MYOM1: variants seen among roughly 807,000 people sequenced by gnomAD.
MYOM1 encodes the protein myomesin-1.
In MYOM1, 164 loss-of-function variants were observed where a neutral mutation model predicts 205.3. The ratio of observed to expected loss-of-function variants is 0.80; its 90% CI spans 0.70 to 0.91. The LOEUF (loss-of-function observed/expected upper bound fraction) is 0.91. MYOM1 is among the 40% of genes least tolerant of loss of function. MYOM1 has a pLI of 0.00. For synonymous variants in MYOM1, 772 were observed against 789.4 expected (o/e 0.98, Z 0.37); for missense variants, 2,011 against 2,127.3 (o/e 0.95, Z 1.08).
At chr18:3,203,728 CT>C (rs57414934) in intron 2 of MYOM1, among the ~76,000 whole-genome samples, 1,982 of 145,122 alleles carry the variant, frequency 0.014, 35 homozygotes, top group African/African-American at 0.043. Flanking sequence ...AATCATTTCT[CT>C]TTTTTTTTTT....
the MYOM1 span, among the ~76,000 whole-genome samples, chr18:3,225,730 A>C: frequency 0.041 from 6,259 of 152,250 alleles, 392 homozygotes; most frequent in African/African-American, 0.14. Context: ...TCCCAAGGCC[A>C]TGGAAAGTTG....
intron 33 of MYOM1, among the ~76,000 whole-genome samples, chr18:3,081,182 G>T (rs931303229): frequency 6.6e-6 from 1 of 151,800 alleles, no homozygotes; most frequent in Admixed American, 6.6e-5. Flanking sequence ...CCTCTGCTTT[G>T]CTATAATAAA....
At chr18:3,070,883 C>T (rs6506054) in intron 37 of MYOM1, among the ~76,000 whole-genome samples, 46,933 of 151,622 alleles carry the variant, frequency 0.31, 7,415 homozygotes, top group African/African-American at 0.34. Context: ...CTCAGACTCC[C>T]GAGTAGCTGG....
chr18:3,177,748 C>T (rs2144104060), intron 5 of MYOM1, among the ~76,000 whole-genome samples: 1 of 152,280 alleles, frequency 6.6e-6, no homozygotes, highest in East Asian at 1.9e-4. Flanking sequence ...GCTGGGATTA[C>T]AGGTGTGAGC....
intron 2 of MYOM1, among the ~76,000 whole-genome samples, chr18:3,205,545 TAATA>T (rs1413189146): frequency 6.6e-6 from 1 of 152,164 alleles, no homozygotes; most frequent in Non-Finnish European, 1.5e-5. Context: ...ATAATGGCTA[TAATA>T]AATAAGACAG....
In MYOM1 at chr18:3,219,475, C is replaced by T. The variant is rs2081307193; in HGVS notation, c.-29+328G>A. Reference sequence around the variant, plus strand: ...AGGGCCTCCTGTCTCTCATCCATTTCAGATTTCAACCAAACCGTACTTGGA... The same window carrying T: ...AGGGCCTCCTGTCTCTCATCCATTTTAGATTTCAACCAAACCGTACTTGGA... On this transcript the variant is annotated intron_variant, in intron 1 of 37. Coordinates refer to ENST00000356443, the MANE Select transcript of MYOM1 (RefSeq NM_003803.4). The surrounding 1 kb of genome is among the most constrained non-coding windows in gnomAD (Gnocchi z 4.4). Among the ~76,000 whole-genome samples the T allele has an allele frequency of 6.6e-6, 1 of 152,192 alleles. No homozygotes were observed. The highest frequency in any genetic ancestry group is 6.5e-5 in the Admixed American group (1 of 15,276).
At chr18:3,162,300 T>C (rs1310637865) in intron 10 of MYOM1, among the ~76,000 whole-genome samples, 1 of 152,146 alleles carries the variant, frequency 6.6e-6, no homozygotes, top group African/African-American at 2.4e-5. Context: ...GGAAACAATA[T>C]GGTTCTGCCT....
intron 22 of MYOM1, 77 bp downstream of exon 22, chr18:3,112,221 A>C: frequency 8.6e-7 from 1 of 1,161,056 alleles, no homozygotes; most frequent in Admixed American, 2.1e-5. Flanking sequence ...AAATTAGAGG[A>C]AAGCACAGAA....
chr18:3,136,557 G>A (rs2079968506), intron 14 of MYOM1, among the ~76,000 whole-genome samples: 1 of 151,944 alleles, frequency 6.6e-6, no homozygotes, highest in Admixed American at 6.6e-5. Flanking sequence ...CTCCCAAGTA[G>A]TTGGGACTAC....
intron 14 of MYOM1, 86 bp downstream of exon 14, chr18:3,141,853 T>C: frequency 6.5e-7 from 1 of 1,544,268 alleles, no homozygotes; most frequent in Non-Finnish European, 8.9e-7. Flanking sequence ...CCTCCCTCAC[T>C]CCATTGTCCC....
Position 3,075,445 on chromosome 18 carries a change from T to G in MYOM1, c.4708+9A>C. ...GTACTTGTGAAAAGTAAAAAAAAAG[T>G]TTACTTACTTTTCTCGGCAATGGCA... On this transcript the variant is annotated intron_variant, in intron 36 of 37. Coordinates refer to ENST00000356443, the MANE Select transcript of MYOM1 (RefSeq NM_003803.4). The G allele has an allele frequency of 6.2e-7, 1 of 1,610,670 alleles. No homozygotes were observed. The highest frequency in any genetic ancestry group is 8.5e-7 in the Non-Finnish European group (1 of 1,177,456).
chr18:3,135,789 C>T lies in MYOM1; in HGVS notation c.2026-59G>A. 1 of 1,577,794 alleles carries T rather than the reference C, an allele frequency of 6.3e-7. No individual in the cohort carries two copies. The highest frequency in any genetic ancestry group is 8.7e-7 in the Non-Finnish European group (1 of 1,155,114). On this transcript the variant is annotated intron_variant, in intron 14 of 37. Transcript: ENST00000356443. The surrounding 1 kb of genome is among the most constrained non-coding windows in gnomAD (Gnocchi z 4.1). ...CAGCAAACACAAGCGAGAATCCAGG[C>T]CAGGCAACTCCAAGTTTCATTCATC...
chr18:3,103,745 GA>G (rs893650137), intron 22 of MYOM1, among the ~76,000 whole-genome samples: 26 of 151,956 alleles, frequency 1.7e-4, no homozygotes, highest in Non-Finnish European at 3.5e-4. Context: ...CTTGTTAGTG[GA>G]AAAAAAATTG....
intron 33 of MYOM1, 61 bp downstream of exon 33, chr18:3,083,728 G>C: frequency 2.2e-6 from 3 of 1,337,596 alleles, no homozygotes; most frequent in South Asian, 1.3e-5. Flanking sequence ...TTACAGGTGT[G>C]AGCTGCCGCG....
chr18:3,191,664 T>C (rs574296049), intron 3 of MYOM1, among the ~76,000 whole-genome samples: 13 of 152,132 alleles, frequency 8.5e-5, no homozygotes, highest in African/African-American at 3.1e-4. Context: ...GAACTAGAAA[T>C]AAAGCCTAGA....
At chr18:3,178,899 G>T (rs192243598) in intron 5 of MYOM1, among the ~76,000 whole-genome samples, 2 of 151,032 alleles carry the variant, frequency 1.3e-5, no homozygotes, top group African/African-American at 4.9e-5. Context: ...ACAGTGTCTC[G>T]CTCTGTCTCC....
At chr18:3,197,473 G>C (rs2081003661) in intron 2 of MYOM1, among the ~76,000 whole-genome samples, 2 of 151,932 alleles carry the variant, frequency 1.3e-5, no homozygotes, top group Non-Finnish European at 2.9e-5. Context: ...ACCTATATAT[G>C]TTTATTTATA....
At chr18:3,124,530 C>G (rs9954830) in intron 19 of MYOM1, among the ~76,000 whole-genome samples, 11 of 151,140 alleles carry the variant, frequency 7.3e-5, no homozygotes, top group Non-Finnish European at 1.5e-4. Context: ...AGGGTTTCAC[C>G]GTGTTAGCCA....
In MYOM1 at chr18:3,090,748, T is replaced by C; in HGVS notation, c.3919A>G (p.Lys1307Glu). ...GTTCCCTCATCCTCATCCTGTAGCT[T>C]TTCCATGAACATTTCGATGATGCCA... The part of the protein sequence containing the change: ...NTGIIEMFME[K>E]LQDEDEGTYT... The change falls in exon 27 of 38, where the codon AAG becomes GAG. Residue 1307 changes from lysine to glutamate, a missense_variant. Lys to Glu is a moderately conservative substitution (Grantham distance 56, BLOSUM62 1). Coordinates refer to ENST00000356443, the MANE Select transcript of MYOM1 (RefSeq NM_003803.4). 1 of 1,614,002 alleles carries C rather than the reference T, an allele frequency of 6.2e-7. No homozygotes were observed. The highest frequency in any genetic ancestry group is 8.5e-7 in the Non-Finnish European group (1 of 1,179,884).
Sources: allele counts gnomAD v4.1 joint callset (sites outside exome capture counted in the v4.1 genomes callset), GRCh38; gene constraint gnomAD v4.1.1; non-coding constraint Gnocchi (gnomAD v3.1); transcripts MANE v1.5; gene names NCBI Gene and HGNC (gene_info 2026-07-23, HGNC 2026-07-21).